Variants in ZNF616 observed in about 807,000 individuals in gnomAD.
ZNF616 encodes the protein zinc finger protein 616.
In ZNF616, 5 loss-of-function variants were observed where a neutral mutation model predicts 7.6. That is an observed-to-expected ratio of 0.66 (90% CI 0.34 to 1.38). The LOEUF is 1.38. Ranked by LOEUF, ZNF616 falls within the 40% of genes most tolerant of loss-of-function variation. ZNF616 has a pLI of 0.04. For synonymous variants in ZNF616, 319 were observed against 317.2 expected, an observed-to-expected ratio of 1.01 and a Z score of -0.06; for missense variants, 913 against 948.3, an observed-to-expected ratio of 0.96 and a Z score of 0.49.
chr19:52,130,549 G>C lies in ZNF616; in HGVS notation c.-37C>G, dbSNP rs749406023. The C allele has an allele frequency of 3.8e-6, 6 of 1,596,402 alleles. No homozygotes were observed. Among genetic ancestry groups the C allele is most frequent in the Admixed American group, 3.6e-5 (2 of 55,504 alleles). On this transcript the variant is annotated 5_prime_UTR_variant, in exon 2 of 4. Coordinates refer to ENST00000600228, the MANE Select transcript of ZNF616 (RefSeq NM_178523.5). ...TTTCCTTCCTCTTCTTCCTCTTCTG[G>C]GTTTCTTTCTCAGTCAATGTAATTA...
intron 3 of ZNF616, among the ~76,000 whole-genome samples, chr19:52,121,368 G>GA (rs2088863334): frequency 1.3e-5 from 2 of 151,570 alleles, no homozygotes; most frequent in Non-Finnish European, 1.5e-5. Context: ...ATCAACAGCA[G>GA]AAAAAAAATT....
At position 52,130,549 on chromosome 19, in the gene ZNF616, G is replaced by A. The variant is rs749406023; in HGVS notation, c.-37C>T. 12 of 1,596,520 alleles carry A rather than the reference G, an allele frequency of 7.5e-6. No homozygotes were observed. Among genetic ancestry groups the A allele is most frequent in the Admixed American group, 3.6e-5 (2 of 55,524 alleles). ...TTTCCTTCCTCTTCTTCCTCTTCTG[G>A]GTTTCTTTCTCAGTCAATGTAATTA... On this transcript the variant is annotated 5_prime_UTR_variant, in exon 2 of 4. Transcript: ENST00000600228.
At chr19:52,133,231 A>G (rs1056676810) in intron 1 of ZNF616, among the ~76,000 whole-genome samples, 4 of 152,170 alleles carry the variant, frequency 2.6e-5, no homozygotes, top group Non-Finnish European at 4.4e-5. Context: ...AAATGTAGTT[A>G]GTAGTATGTT....
At position 52,139,100 on chromosome 19, in the gene ZNF616, G is replaced by A. The variant is rs2089037101; in HGVS notation, c.-77+632C>T. On this transcript the variant is annotated intron_variant, in intron 1 of 3. Coordinates refer to ENST00000600228, the MANE Select transcript of ZNF616 (RefSeq NM_178523.5). This position sits in a 1 kb window ranked among gnomAD's most constrained non-coding sequence, Gnocchi z 4.1. The stretch of plus-strand genomic sequence containing the variant: ...CCTAAATTATCATCCATTTTGCCGT[G>A]TACTCATTCTTTTCTCCCCAGTTTT... Among the ~76,000 whole-genome samples, 3 of 152,064 alleles carry A rather than the reference G, an allele frequency of 2.0e-5. No individual in the cohort carries two copies. Among genetic ancestry groups the A allele is most frequent in the African/African-American group, 4.8e-5 (2 of 41,378 alleles).
chr19:52,127,348 C>A (rs963417539), intron 2 of ZNF616, among the ~76,000 whole-genome samples: 1 of 152,192 alleles, frequency 6.6e-6, no homozygotes, highest in African/African-American at 2.4e-5. Context: ...AGCCACCACA[C>A]CCGGCCAATA....
chr19:52,125,859 A>C (rs751872283), intron 2 of ZNF616, among the ~76,000 whole-genome samples: 8 of 152,248 alleles, frequency 5.3e-5, no homozygotes, highest in Non-Finnish European at 1.0e-4. Flanking sequence ...GCAATAACAC[A>C]GAAAGACATG....
At chr19:52,134,954 C>G (rs992541177) in intron 1 of ZNF616, among the ~76,000 whole-genome samples, 3 of 152,080 alleles carry the variant, frequency 2.0e-5, no homozygotes, top group African/African-American at 7.2e-5. Context: ...GTCCTGGCAG[C>G]GAGAAAGTAA....
Position 52,113,333 on chromosome 19 carries a change from T to C in ZNF616, c.*1485A>G, listed in dbSNP as rs896123979. ...TTACATTTCCAAGTTTTCTCTCAAGTAGGGATAATTTGGTAAAGGCTGAAG... is the reference window on the plus strand; with the variant it reads ...TTACATTTCCAAGTTTTCTCTCAAGCAGGGATAATTTGGTAAAGGCTGAAG... On this transcript the variant is annotated 3_prime_UTR_variant, in exon 4 of 4. Coordinates refer to ENST00000600228, the MANE Select transcript of ZNF616 (RefSeq NM_178523.5). The C allele has an allele frequency of 6.6e-6, 1 of 152,186 alleles. No individual in the cohort carries two copies. The highest frequency in any genetic ancestry group is 2.4e-5 in the African/African-American group (1 of 41,440). 9.4% of individuals were successfully genotyped at this position (152,186 alleles called of 1,614,324 possible).
chr19:52,137,076 CAG>C (rs2089017418), intron 1 of ZNF616, among the ~76,000 whole-genome samples: 2 of 112,358 alleles, frequency 1.8e-5, no homozygotes, highest in African/African-American at 6.6e-5. Flanking sequence ...TATATATATA[CAG>C]AGTGTGTGTG....
chr19:52,135,015 C>T (rs1011233125), intron 1 of ZNF616, among the ~76,000 whole-genome samples: 12 of 152,102 alleles, frequency 7.9e-5, no homozygotes, highest in African/African-American at 2.9e-4. Context: ...TGCTGCAGGT[C>T]GTTGTGATAT....
rs1286527587 is a variant in ZNF616, at chr19:52,139,161, C to T, written c.-77+571G>A. Among the ~76,000 whole-genome samples, 1 of 152,146 alleles carries T rather than the reference C, an allele frequency of 6.6e-6. No individual in the cohort carries two copies. Among genetic ancestry groups the T allele is most frequent in the African/African-American group, 2.4e-5 (1 of 41,430 alleles). ...CCGTCGCTCCCCCTCTTTTCCTCTC[C>T]TGATCCCTCTCACCCACACATTCAG... On this transcript the variant is annotated intron_variant, in intron 1 of 3. Transcript: ENST00000600228. The surrounding 1 kb of genome is among the most constrained non-coding windows in gnomAD (Gnocchi z 4.1).
chr19:52,114,929 A>C lies in ZNF616; in HGVS notation c.2235T>G (p.Tyr745Ter). 6.2e-7 allele frequency: 1 copy of C among 1,614,072 alleles called. No individual in the cohort carries two copies. Among genetic ancestry groups the C allele is most frequent in the Non-Finnish European group, 8.5e-7 (1 of 1,180,010 alleles). ...HQRIHSGKKP[Y>*]KCNECGKSFI... ...AAGATTTCCCACACTCATTACATTT[A>C]TAAGGTTTTTTGCCAGAATGAATTC... The change falls in exon 4 of 4, where the codon TAT becomes TAG. Residue 745 changes from tyrosine (Y) to a stop codon, truncating the protein, a stop_gained. Transcript: ENST00000600228. LOFTEE classifies it low-confidence loss of function (END_TRUNC).
chr19:52,114,942 C>A lies in ZNF616; in HGVS notation c.2222G>T (p.Gly741Val), dbSNP rs1266666565. 4.3e-6 allele frequency: 7 copies of A among 1,613,930 alleles called. No individual in the cohort carries two copies. The Admixed American group carries it at 6.7e-5, about 15-fold the overall frequency. The stretch of plus-strand genomic sequence containing the variant: ...CTCATTACATTTATAAGGTTTTTTG[C>A]CAGAATGAATTCTTTGGTGTTTGCT... ...SLSKHQRIHS[G>V]KKPYKCNECG... Residue 741 changes from glycine (G) to valine (V), a missense_variant, in exon 4 of 4, where the codon GGC (glycine) becomes GTC (valine). By Grantham distance (109) the Gly-to-Val change is moderately radical. Coordinates refer to ENST00000600228, the MANE Select transcript of ZNF616 (RefSeq NM_178523.5).
In ZNF616 at chr19:52,136,588, G is replaced by A. The variant is rs889822260; in HGVS notation, c.-77+3144C>T. 7.0e-5 allele frequency among the ~76,000 whole-genome samples: 10 copies of A among 142,990 alleles called. No homozygotes were observed. In the East Asian group the frequency reaches 2.1e-3, roughly 30 times the overall value. The allele number at this position is 142,990 out of a possible 152,430, so 93.8% of individuals were successfully genotyped here. On this transcript the variant is annotated intron_variant, in intron 1 of 3. Coordinates refer to ENST00000600228, the MANE Select transcript of ZNF616 (RefSeq NM_178523.5). ...AGGCTATTATCAAATAGGCAAGAGA[G>A]GTGTTAGCAATGATATGGAGAAAAA...
intron 1 of ZNF616, among the ~76,000 whole-genome samples, chr19:52,137,740 G>A (rs1244615528): frequency 6.6e-6 from 1 of 152,110 alleles, no homozygotes; most frequent in Admixed American, 6.6e-5. Context: ...TAACAGTTTG[G>A]AAAGTTTTTG....
In ZNF616 at chr19:52,115,370, A is replaced by C; in HGVS notation, c.1794T>G (p.Val598=). The C allele has an allele frequency of 6.2e-7, 1 of 1,614,112 alleles. No homozygotes were observed. The highest frequency in any genetic ancestry group is 8.5e-7 in the Non-Finnish European group (1 of 1,180,006). The change falls in exon 4 of 4, where the codon GTT becomes GTG. Residue 598 remains valine, a synonymous_variant. Transcript: ENST00000600228. The part of the protein sequence containing the change: ...QYSHLVGHRR[V]HTGEKPYKCH... ...ATTTGTATGGTTTCTCTCCAGTATG[A>C]ACTCTTCGATGCCCTACAAGATGTG...
In ZNF616 at chr19:52,114,239, TTC is replaced by T. The variant is rs2088794351; in HGVS notation, c.*577_*578del. ...AGAATTCTTGCCACACGTATTACAC[TTC>T]TGTGATTTTTCTCCAGGATGTATAC... On this transcript the variant is annotated 3_prime_UTR_variant, in exon 4 of 4. Coordinates refer to ENST00000600228, the MANE Select transcript of ZNF616 (RefSeq NM_178523.5). 6.6e-6 allele frequency: 1 copy of T among 152,174 alleles called. No individual in the cohort carries two copies. The highest frequency in any genetic ancestry group is 1.5e-5 in the Non-Finnish European group (1 of 68,068). The allele number at this position is 152,174 out of a possible 1,614,324, so 9.4% of individuals were successfully genotyped here.
intron 3 of ZNF616, among the ~76,000 whole-genome samples, chr19:52,117,494 TA>T (rs1225403480): frequency 6.6e-6 from 1 of 152,106 alleles, no homozygotes; most frequent in African/African-American, 2.4e-5. Context: ...TCATATAAAT[TA>T]ATAAATAAAA....
chr19:52,134,034 G>T lies in ZNF616; in HGVS notation c.-76-3446C>A, dbSNP rs573841467. 2.0e-5 allele frequency among the ~76,000 whole-genome samples: 3 copies of T among 152,174 alleles called. No individual in the cohort carries two copies. The East Asian group carries it at 5.8e-4, about 29-fold the overall frequency. On this transcript the variant is annotated intron_variant, in intron 1 of 3. Transcript: ENST00000600228. ...GATAATCGCCTCCAGCTCCACCCAT[G>T]TCCTGGCCAAGCGCATTATTTTGTT...
Sources: gnomAD v4.1 joint callset for allele counts (sites outside exome capture counted in the v4.1 genomes callset) on GRCh38, gnomAD v4.1.1 for gene constraint, Gnocchi (gnomAD v3.1) non-coding constraint, MANE v1.5 for transcripts, NCBI Gene and HGNC (gene_info 2026-07-23, HGNC 2026-07-21) for gene names.